MYO10: variants seen among roughly 807,000 people sequenced by gnomAD.
MYO10 encodes unconventional myosin-X.
MYO10 carries 133 observed loss-of-function variants against 257.3 expected under a neutral mutation model. The observed-to-expected ratio is 0.52, with a 90% CI of 0.45 to 0.60. MYO10 has a LOEUF of 0.60. Among genes scored for constraint, MYO10 ranks in the 20% least tolerant of loss-of-function variants. MYO10 has a pLI of 0.00. For synonymous variants in MYO10, 1,104 were observed against 1,028.6 expected, an observed-to-expected ratio of 1.07 and a Z score of -1.40; for missense variants, 2,399 against 2,635.7, an observed-to-expected ratio of 0.91 and a Z score of 1.97.
chr5:16,793,658 G>A (rs1008967610), intron 4 of MYO10, among the ~76,000 whole-genome samples: 9 of 152,240 alleles, frequency 5.9e-5, no homozygotes, highest in Non-Finnish European at 8.8e-5. Flanking sequence ...CGCCGGGAGC[G>A]GTGGCTCACG....
At chr5:16,719,281 G>C (rs1241936174) in intron 19 of MYO10, among the ~76,000 whole-genome samples, 1 of 152,126 alleles carries the variant, frequency 6.6e-6, no homozygotes, top group African/African-American at 2.4e-5. Context: ...AGGGTCCGCG[G>C]CTTCATTCTT....
chr5:16,676,240 AC>A, intron 33 of MYO10, 86 bp from the exon 34 acceptor site: 1 of 1,495,934 alleles, frequency 6.7e-7, no homozygotes, highest in Non-Finnish European at 9.0e-7. Context: ...ATATCCATAA[AC>A]CTAGTGGGGC....
At chr5:16,719,880 C>T (rs1407354755) in intron 19 of MYO10, among the ~76,000 whole-genome samples, 3 of 152,170 alleles carry the variant, frequency 2.0e-5, no homozygotes, top group Admixed American at 6.5e-5. Context: ...AGGACAATCA[C>T]TTGAACCCAG....
intron 4 of MYO10, among the ~76,000 whole-genome samples, chr5:16,787,473 A>G (rs150213558): frequency 3.3e-5 from 5 of 152,270 alleles, no homozygotes; most frequent in African/African-American, 1.2e-4. Flanking sequence ...CTGCAGTTCC[A>G]CTTGGTCCTC....
chr5:16,760,174 G>A (rs534590727), intron 17 of MYO10, among the ~76,000 whole-genome samples: 6 of 151,860 alleles, frequency 4.0e-5, no homozygotes, highest in East Asian at 3.9e-4. Context: ...CACTTCCGCC[G>A]GGCATGGTGG....
intron 29 of MYO10, among the ~76,000 whole-genome samples, chr5:16,684,619 T>C (rs1448082923): frequency 6.6e-6 from 1 of 152,248 alleles, no homozygotes; most frequent in Non-Finnish European, 1.5e-5. Context: ...CTGATTATAT[T>C]GTGTCCTTTA....
chr5:16,748,695 T>C (rs1378939187), intron 19 of MYO10, among the ~76,000 whole-genome samples: 1 of 151,800 alleles, frequency 6.6e-6, no homozygotes. Context: ...CGGGAGGAAA[T>C]GTGCTAGATT....
At chr5:16,890,695 C>T (rs1484097336) in intron 1 of MYO10, among the ~76,000 whole-genome samples, 2 of 151,492 alleles carry the variant, frequency 1.3e-5, no homozygotes, top group African/African-American at 4.9e-5. Context: ...CAAAAATTAG[C>T]CAGGTGTGGT....
chr5:16,670,377 G>A (rs984399293), intron 39 of MYO10, 149 bp downstream of exon 39: 32 of 619,246 alleles, frequency 5.2e-5, no homozygotes, highest in Non-Finnish European at 6.4e-5. Context: ...GAAGGGAGGC[G>A]TTAATGGTAC....
intron 1 of MYO10, among the ~76,000 whole-genome samples, chr5:16,894,948 C>T (rs1745176698): frequency 6.6e-6 from 1 of 151,350 alleles, no homozygotes; most frequent in African/African-American, 2.4e-5. Flanking sequence ...ACTTAATCAC[C>T]CTCCATAAAC....
rs1422967175 is a variant in MYO10 at position 16,670,568 on chromosome 5, G to A, written c.5841C>T (p.Ile1947=). 6.2e-7 allele frequency: 1 copy of A among 1,613,770 alleles called. No homozygotes were observed. Among genetic ancestry groups the A allele is most frequent in the South Asian group, 1.1e-5 (1 of 91,036 alleles). ...EQAMAKYMAL[I]KEWPGYGSTL... Reference sequence around the variant, plus strand: ...TCGAGCCATAGCCAGGCCACTCCTTGATCAAGGCCATGTACTTGGCCATGG... The same window carrying A: ...TCGAGCCATAGCCAGGCCACTCCTTAATCAAGGCCATGTACTTGGCCATGG... The change falls in exon 39 of 41, where the codon ATC becomes ATT. Residue 1947 remains isoleucine, a synonymous_variant. Transcript: ENST00000513610.
chr5:16,895,753 AACACACACACACACACACACAC>A (rs57628919), intron 1 of MYO10, among the ~76,000 whole-genome samples: 6 of 131,648 alleles, frequency 4.6e-5, no homozygotes, highest in East Asian at 2.5e-4. Flanking sequence ...CCAACACCAC[AACACACACACACACACACACAC>A]ACACACACAC....
At chr5:16,672,949 AAT>A in intron 36 of MYO10, 124 bp from the exon 37 acceptor site, 2 of 1,116,296 alleles carry the variant, frequency 1.8e-6, no homozygotes, top group Middle Eastern at 6.0e-4. Flanking sequence ...GCCTCCTAAA[AAT>A]GTTACCCGTG....
rs371042891 is a variant in MYO10 at position 16,848,155 on chromosome 5, C to CTTTTTTT, written c.120+29447_120+29453dup. Among the ~76,000 whole-genome samples the CTTTTTTT allele has an allele frequency of 3.5e-5, 4 of 113,590 alleles. 1 individual carries two copies. Among genetic ancestry groups the CTTTTTTT allele is most frequent in the African/African-American group, 1.5e-4 (4 of 26,718 alleles). The allele number at this position is 113,590 out of a possible 152,430, so 74.5% of individuals were successfully genotyped here. On this transcript the variant is annotated intron_variant, in intron 2 of 40. Transcript: ENST00000513610. The stretch of plus-strand genomic sequence containing the variant: ...TGATTAAGCAAAGAACTACACATTT[C>CTTTTTTT]TTTTTTTTTTTTTTTTTTGTGAGAG...
chr5:16,788,474 G>A (rs376335942), intron 4 of MYO10, among the ~76,000 whole-genome samples: 52 of 152,248 alleles, frequency 3.4e-4, no homozygotes, highest in African/African-American at 1.2e-3. Flanking sequence ...TCAGGCTTGG[G>A]ACAGGGTAGG....
At chr5:16,786,157 T>C (rs1741572560) in intron 4 of MYO10, among the ~76,000 whole-genome samples, 1 of 152,134 alleles carries the variant, frequency 6.6e-6, no homozygotes, top group African/African-American at 2.4e-5. Context: ...ATCCCTGTGT[T>C]ACACCCCTAA....
In MYO10 at chr5:16,760,962, A is replaced by ATATTAT. The variant is rs149691790; in HGVS notation, c.1739+496_1739+501dup. Reference sequence around the variant, plus strand: ...CCTCACTAAATGGCAGTCATTGCTTATATTATTATTATTATTATTAATTTA... The same window carrying ATATTAT: ...CCTCACTAAATGGCAGTCATTGCTTATATTATTATTATTATTATTATTATTAATTTA... On this transcript the variant is annotated intron_variant, in intron 17 of 40. Coordinates refer to ENST00000513610, the MANE Select transcript of MYO10 (RefSeq NM_012334.3). Among the ~76,000 whole-genome samples the ATATTAT allele has an allele frequency of 8.6e-3, 1,301 of 150,656 alleles. 18 individuals carry two copies. Among genetic ancestry groups the ATATTAT allele is most frequent in the East Asian group, 0.079 (408 of 5,156 alleles).
At chr5:16,712,229 C>T (rs909990874) in intron 19 of MYO10, among the ~76,000 whole-genome samples, 3 of 152,160 alleles carry the variant, frequency 2.0e-5, no homozygotes, top group Non-Finnish European at 4.4e-5. Context: ...TTATTGAGAG[C>T]TCCATACTCT....
At chr5:16,876,421 T>G (rs528531749) in intron 2 of MYO10, among the ~76,000 whole-genome samples, 9 of 152,306 alleles carry the variant, frequency 5.9e-5, no homozygotes, top group Non-Finnish European at 8.8e-5. Flanking sequence ...AGGAGAAACT[T>G]CTTCAGTTGC....
Sources: gnomAD v4.1 joint callset for allele counts (sites outside exome capture counted in the v4.1 genomes callset) on GRCh38, gnomAD v4.1.1 for gene constraint, MANE v1.5 for transcripts, NCBI Gene and HGNC (gene_info 2026-07-23, HGNC 2026-07-21) for gene names.